The following RPS6KA2 variants were observed in gnomAD, a reference collection of about 807,000 sequenced individuals.
The protein encoded by RPS6KA2 is ribosomal protein S6 kinase alpha-2.
A neutral mutation model predicts 91.8 loss-of-function variants in RPS6KA2; 42 were observed. The ratio of observed to expected loss-of-function variants is 0.46; its 90% CI spans 0.36 to 0.59. The LOEUF (loss-of-function observed/expected upper bound fraction) is 0.59, where lower values mean the gene tolerates loss of function less well. Among genes scored for constraint, RPS6KA2 ranks in the 20% least tolerant of loss-of-function variants. The probability of loss-of-function intolerance (pLI) is 0.00; values close to 1 mark genes in which losing one functional copy is unlikely to be tolerated. For synonymous variants in RPS6KA2, 414 were observed against 393.6 expected, an observed-to-expected ratio of 1.05 and a Z score of -0.61; for missense variants, 798 against 978.5, an observed-to-expected ratio of 0.82 and a Z score of 2.46.
In RPS6KA2 at chr6:166,409,984, T is replaced by TA. The variant is rs1328310776; in HGVS notation, c.*2777_*2778insT. 2.6e-5 allele frequency: 4 copies of TA among 152,356 alleles called. No individual in the cohort carries two copies. In the East Asian group the frequency reaches 7.7e-4, roughly 29 times the overall value. The allele number at this position is 152,356 out of a possible 1,614,324, so 9.4% of individuals were successfully genotyped here. The stretch of plus-strand genomic sequence containing the variant: ...GAAATCCTCACCTCTTGCCCATGTT[T>TA]GACTTTGGGATGGAATTCAGCAAAG... On this transcript the variant is annotated 3_prime_UTR_variant, in exon 21 of 21. Transcript: ENST00000265678.
chr6:166,480,479 TTATATATATATATATATATATATA>T (rs3066214), intron 10 of RPS6KA2, among the ~76,000 whole-genome samples: 1 of 99,874 alleles, frequency 1.0e-5, no homozygotes, highest in Non-Finnish European at 1.8e-5. Flanking sequence ...GATTGTGATT[TTATATATATATATATATATATATA>T]TATATATATA....
intron 15 of RPS6KA2, among the ~76,000 whole-genome samples, chr6:166,430,901 T>C (rs1403065221): frequency 1.3e-5 from 2 of 152,172 alleles, no homozygotes; most frequent in African/African-American, 4.8e-5. Flanking sequence ...TTCATGACTC[T>C]GCCAGGAGAT....
chr6:166,747,332 G>A (rs954663550), intron 2 of RPS6KA2, among the ~76,000 whole-genome samples: 20 of 152,314 alleles, frequency 1.3e-4, no homozygotes, highest in Middle Eastern at 3.4e-3. Context: ...TGGGAAGAAA[G>A]AGCACATATA....
intron 1 of RPS6KA2, among the ~76,000 whole-genome samples, chr6:166,620,156 C>T (rs780797267): frequency 1.1e-4 from 17 of 152,228 alleles, no homozygotes; most frequent in Admixed American, 6.5e-5. Flanking sequence ...GAAACTACAG[C>T]ATACGAATCA....
chr6:166,466,619 C>A (rs1379167611), intron 11 of RPS6KA2, among the ~76,000 whole-genome samples: 2 of 152,204 alleles, frequency 1.3e-5, no homozygotes, highest in East Asian at 1.9e-4. Flanking sequence ...CAGGCATGGT[C>A]TCTGGAGGAA....
chr6:166,496,358 T>TA (rs1239791143), intron 8 of RPS6KA2, among the ~76,000 whole-genome samples: 1 of 81,844 alleles, frequency 1.2e-5, no homozygotes, highest in Non-Finnish European at 2.8e-5. Context: ...CAAAAAACAA[T>TA]AAAAAATTAA....
chr6:166,698,119 C>T lies in RPS6KA2; in HGVS notation c.124-159335G>A, dbSNP rs143381350. 3.2e-3 allele frequency among the ~76,000 whole-genome samples: 487 copies of T among 152,194 alleles called. 6 individuals are homozygous for T. The highest frequency in any genetic ancestry group is 4.0e-3 in the Non-Finnish European group (269 of 68,014). On this transcript the variant is annotated intron_variant, in intron 2 of 21. Transcript: ENST00000503859. ...AATGGGCATGTGTGTACATGGGTGA[C>T]ATAGGAAATGCTGGGGCATATTTCC...
At position 166,711,434 on chromosome 6, in the gene RPS6KA2, A is replaced by T. The variant is rs530354305; in HGVS notation, c.123+146766T>A. ...AAAAAAAAGATGCCAAACCAAGATG[A>T]CAGAATGTTAGATATATCTGACAAA... On this transcript the variant is annotated intron_variant, in intron 2 of 21. Transcript: ENST00000503859. Among the ~76,000 whole-genome samples the T allele has an allele frequency of 3.3e-5, 5 of 150,876 alleles. No individual in the cohort carries two copies. In the East Asian group the frequency reaches 7.8e-4, roughly 24 times the overall value.
At chr6:166,702,261 T>G in intron 2 of RPS6KA2, 1 of 1,613,286 alleles carries the variant, frequency 6.2e-7, no homozygotes, top group Non-Finnish European at 8.5e-7. Context: ...GGTTTCTGCT[T>G]GGACACGGAT....
At chr6:166,540,161 G>GT (rs1783609747) in intron 1 of RPS6KA2, among the ~76,000 whole-genome samples, 1 of 152,202 alleles carries the variant, frequency 6.6e-6, no homozygotes, top group Admixed American at 6.5e-5. Context: ...TCCACCCTCT[G>GT]TTTTACTCTA....
chr6:166,424,877 G>C (rs371593045), intron 16 of RPS6KA2, among the ~76,000 whole-genome samples: 6 of 152,336 alleles, frequency 3.9e-5, no homozygotes, highest in African/African-American at 1.4e-4. Flanking sequence ...TGGTAAAAAT[G>C]ATTTTAGACC....
intron 1 of RPS6KA2, among the ~76,000 whole-genome samples, chr6:166,599,543 C>T (rs934655659): frequency 6.6e-6 from 1 of 152,152 alleles, no homozygotes; most frequent in African/African-American, 2.4e-5. Flanking sequence ...TTCTCATTAG[C>T]GCCAGGGGAA....
intron 2 of RPS6KA2, among the ~76,000 whole-genome samples, chr6:166,850,632 A>G (rs962034634): frequency 6.6e-6 from 1 of 152,200 alleles, no homozygotes; most frequent in Non-Finnish European, 1.5e-5. Context: ...CGTGAGTTCC[A>G]CGCAGCCTCG....
chr6:166,542,628 C>A (rs1783696823), intron 1 of RPS6KA2, among the ~76,000 whole-genome samples: 1 of 152,176 alleles, frequency 6.6e-6, no homozygotes, highest in South Asian at 2.1e-4. Flanking sequence ...AAAATTCCTG[C>A]AGAACTGCAC....
chr6:166,681,182 G>A (rs1476061147), intron 2 of RPS6KA2, among the ~76,000 whole-genome samples: 1 of 152,178 alleles, frequency 6.6e-6, no homozygotes, highest in African/African-American at 2.4e-5. Context: ...GAAAATGCAA[G>A]GAAGGATGTA....
intron 2 of RPS6KA2, among the ~76,000 whole-genome samples, chr6:166,686,845 T>A (rs1017293410): frequency 3.0e-4 from 45 of 152,206 alleles, no homozygotes; most frequent in African/African-American, 9.9e-4. Context: ...TGGATTAACA[T>A]GTGCCAATTA....
At chr6:166,578,656 G>A (rs187848396) in intron 1 of RPS6KA2, among the ~76,000 whole-genome samples, 3 of 152,310 alleles carry the variant, frequency 2.0e-5, no homozygotes, top group East Asian at 1.9e-4. Flanking sequence ...TCTAGAGAGC[G>A]AGGTTTTGTA....
At chr6:166,721,596 C>G (rs942664364) in intron 2 of RPS6KA2, among the ~76,000 whole-genome samples, 1 of 152,230 alleles carries the variant, frequency 6.6e-6, no homozygotes, top group African/African-American at 2.4e-5. Flanking sequence ...CTTCGTAAAG[C>G]TAGGCAGCTT....
chr6:166,837,949 A>G (rs1359472133), intron 2 of RPS6KA2, among the ~76,000 whole-genome samples: 1 of 152,246 alleles, frequency 6.6e-6, no homozygotes, highest in Non-Finnish European at 1.5e-5. Context: ...ATTAAGAAAC[A>G]GAAGTTTTTC....
Sources: allele counts gnomAD v4.1 joint callset (sites outside exome capture counted in the v4.1 genomes callset), GRCh38; gene constraint gnomAD v4.1.1; transcripts MANE v1.5; gene names NCBI Gene and HGNC (gene_info 2026-07-23, HGNC 2026-07-21).